SPATA32: variants seen among roughly 807,000 people sequenced by gnomAD.
SPATA32 encodes spermatogenesis-associated protein 32.
Under a neutral mutation model 35.4 loss-of-function variants are expected in SPATA32, and 28 were observed. The observed-to-expected ratio is 0.79, with a 90% CI of 0.59 to 1.09. The LOEUF is 1.09. SPATA32 is among the 50% of genes least tolerant of loss of function. The pLI is 0.00. For missense variants in SPATA32, 409 were observed against 475.9 expected (o/e 0.86, Z 1.31); for synonymous variants, 168 against 196.3 (o/e 0.86, Z 1.20).
At chr17:45,258,573 C>A (rs184665731) in intron 1 of SPATA32, among the ~76,000 whole-genome samples, 1 of 152,162 alleles carries the variant, frequency 6.6e-6, no homozygotes, top group Non-Finnish European at 1.5e-5. Context: ...CTTGGGACCT[C>A]GTTGCCTGAC....
rs559743203 is a variant in SPATA32 at position 45,256,265 on chromosome 17, G to A, written c.108+111C>T. On this transcript the variant is annotated intron_variant, in intron 3 of 4. Transcript: ENST00000331780. This position sits in a 1 kb window ranked among gnomAD's most constrained non-coding sequence, Gnocchi z 4.7. Reference sequence around the variant, plus strand: ...GTGTGTGTGTGGGTGTACCCACACCGGCCTGGTACTAGGGTCCCAGGATTG... The same window carrying A: ...GTGTGTGTGTGGGTGTACCCACACCAGCCTGGTACTAGGGTCCCAGGATTG... The A allele has an allele frequency of 1.1e-4, 143 of 1,264,132 alleles. No individual in the cohort carries two copies. The highest frequency in any genetic ancestry group is 8.0e-4 in the South Asian group (66 of 82,698). 78.3% of individuals were successfully genotyped at this position (1,264,132 alleles called of 1,614,324 possible).
intron 4 of SPATA32, 64 bp from the exon 5 acceptor site, chr17:45,254,577 C>T: frequency 6.7e-7 from 1 of 1,495,136 alleles, no homozygotes; most frequent in African/African-American, 1.4e-5. Context: ...AGGGGTGAGC[C>T]CAGAGGCCCC....
At chr17:45,260,102 C>CA (rs35822223) in intron 1 of SPATA32, 39,672 of 112,290 alleles carry the variant, frequency 0.35, 6,038 homozygotes, top group Middle Eastern at 0.53. Flanking sequence ...GACTCTGTCT[C>CA]AAAAAAAAAA....
At position 45,255,321 on chromosome 17, in the gene SPATA32, T is replaced by C. The variant is rs1311357086; in HGVS notation, c.861A>G (p.Arg287=). 1 of 1,614,088 alleles carries C rather than the reference T, an allele frequency of 6.2e-7. No individual in the cohort carries two copies. The highest frequency in any genetic ancestry group is 8.5e-7 in the Non-Finnish European group (1 of 1,180,034). The part of the protein sequence containing the change: ...TEPLLTTVEE[R]EPENHAETLP... ...GGGTCTCTGCGTGATTTTCTGGCTC[T>C]CGCTCCTCCACAGTGGTCAGGAGGG... Residue 287 remains arginine (R), a synonymous_variant, in exon 4 of 5, where the codon CGA becomes CGG. Coordinates refer to ENST00000331780, the MANE Select transcript of SPATA32 (RefSeq NM_152343.3). The surrounding 1 kb of genome is among the most constrained non-coding windows in gnomAD (Gnocchi z 5.4).
rs752563640 is a variant in SPATA32, at chr17:45,254,426, T to C, written c.1155A>G (p.Ter385TrpextTer?). 1.2e-6 allele frequency: 2 copies of C among 1,613,998 alleles called. No homozygotes were observed. Among genetic ancestry groups the C allele is most frequent in the Non-Finnish European group, 1.7e-6 (2 of 1,179,856 alleles). ...TGGAGGCTTTATTGGTTCTGTCTAGTCATTTCTCTGGGATTGTGGGGGCTG... is the reference window on the plus strand; with the variant it reads ...TGGAGGCTTTATTGGTTCTGTCTAGCCATTTCTCTGGGATTGTGGGGGCTG... ...KLSAPTIPEK[*>W] is the part of the protein sequence containing the mutation. The change falls in exon 5 of 5, where the codon TGA (stop) becomes TGG (tryptophan). Residue 385 changes from the stop codon to tryptophan, a stop_lost. Transcript: ENST00000331780.
rs962380376 is a variant in SPATA32 at position 45,256,546 on chromosome 17, G to A, written c.69-131C>T. 24 of 756,828 alleles carry A rather than the reference G, an allele frequency of 3.2e-5. No individual in the cohort carries two copies. Among genetic ancestry groups the A allele is most frequent in the African/African-American group, 2.0e-4 (12 of 59,114 alleles). The allele number at this position is 756,828 out of a possible 1,614,324, so 46.9% of individuals were successfully genotyped here. Reference sequence around the variant, plus strand: ...CGATGCACCTCCCGCCGACCACCCCGCCACCAGCTCATCCACTCCCCTGCT... The same window carrying A: ...CGATGCACCTCCCGCCGACCACCCCACCACCAGCTCATCCACTCCCCTGCT... On this transcript the variant is annotated intron_variant, in intron 2 of 4. Coordinates refer to ENST00000331780, the MANE Select transcript of SPATA32 (RefSeq NM_152343.3). This position sits in a 1 kb window ranked among gnomAD's most constrained non-coding sequence, Gnocchi z 4.7.
intron 2 of SPATA32, 23 bp downstream of exon 2, chr17:45,257,130 C>T (rs764513598): frequency 1.3e-5 from 21 of 1,610,948 alleles, no homozygotes; most frequent in African/African-American, 5.3e-5. Flanking sequence ...GGAGGCCCTA[C>T]GTTGATTGAG....
chr17:45,255,756 C>CA lies in SPATA32; in HGVS notation c.425dup (p.Ser143ValfsTer69). ...CACTGATGGAGTGATGGCAGGCAGA[C>CA]ACGTGGTTCTCCTCCGTGAAACTCC... On this transcript the variant is annotated frameshift_variant, in exon 4 of 5. Coordinates refer to ENST00000331780, the MANE Select transcript of SPATA32 (RefSeq NM_152343.3). LOFTEE classifies it high-confidence loss of function. This position sits in a 1 kb window ranked among gnomAD's most constrained non-coding sequence, Gnocchi z 5.4. 6.2e-7 allele frequency: 1 copy of CA among 1,614,022 alleles called. No homozygotes were observed. Among genetic ancestry groups the CA allele is most frequent in the Non-Finnish European group, 8.5e-7 (1 of 1,179,942 alleles).
intron 2 of SPATA32, 118 bp downstream of exon 2, chr17:45,257,035 G>A (rs2043964314): frequency 7.3e-6 from 9 of 1,228,222 alleles, no homozygotes; most frequent in Non-Finnish European, 9.3e-6. Flanking sequence ...CCCCGGGGAG[G>A]TTTTGGAAAT....
In SPATA32 at chr17:45,256,299, A is replaced by G; in HGVS notation, c.108+77T>C. On this transcript the variant is annotated intron_variant, in intron 3 of 4. Transcript: ENST00000331780. The surrounding 1 kb of genome is among the most constrained non-coding windows in gnomAD (Gnocchi z 4.7). ...CTAGGGTCCCAGGATTGTCAAGGGTAGGGGCTGGTGGGGACTTAGGGAAGA... is the reference window on the plus strand; with the variant it reads ...CTAGGGTCCCAGGATTGTCAAGGGTGGGGGCTGGTGGGGACTTAGGGAAGA... 3 of 1,449,702 alleles carry G rather than the reference A, an allele frequency of 2.1e-6. No individual in the cohort carries two copies. Among genetic ancestry groups the G allele is most frequent in the Non-Finnish European group, 2.9e-6 (3 of 1,030,530 alleles). The allele number at this position is 1,449,702 out of a possible 1,614,324, so 89.8% of individuals were successfully genotyped here.
At chr17:45,261,952 C>T in intron 1 of SPATA32, 52 bp downstream of exon 1, 2 of 1,306,736 alleles carry the variant, frequency 1.5e-6, no homozygotes, top group Non-Finnish European at 2.0e-6. Context: ...CTCTCACTTT[C>T]GCTTTCCCCG....
At chr17:45,254,901 T>G (rs2043940972) in intron 4 of SPATA32, 1 of 603,998 alleles carries the variant, frequency 1.7e-6, no homozygotes, top group Non-Finnish European at 2.9e-6. Context: ...TCCCCAGGCC[T>G]CCTCCAGCCC....
rs956494375 is a variant in SPATA32 at position 45,257,212 on chromosome 17, C to G, written c.14-5G>C. 6.2e-6 allele frequency: 10 copies of G among 1,609,226 alleles called. No individual in the cohort carries two copies. Among genetic ancestry groups the G allele is most frequent in the East Asian group, 2.2e-5 (1 of 44,704 alleles). ...AGCATGGAAATCCATGGGCACCTGA[C>G]AGGGGAAAGGAGGTGAGGGCAGGGA... On this transcript the variant is annotated splice_polypyrimidine_tract_variant and splice_region_variant and intron_variant, in intron 1 of 4. Transcript: ENST00000331780.
rs774065628 is a variant in SPATA32 at position 45,255,241 on chromosome 17, T to A, written c.941A>T (p.Asp314Val). 1.2e-6 allele frequency: 2 copies of A among 1,614,226 alleles called. No homozygotes were observed. Among genetic ancestry groups the A allele is most frequent in the Non-Finnish European group, 1.7e-6 (2 of 1,180,048 alleles). Residue 314 changes from aspartate to valine, a missense_variant, in exon 4 of 5, where the codon GAC becomes GTC. Physicochemically the swap from Asp to Val is radical, Grantham distance 152. Transcript: ENST00000331780. The surrounding 1 kb of genome is among the most constrained non-coding windows in gnomAD (Gnocchi z 5.4). ...AAAGTAAGATTGAGCGAAGTTCTTG[T>A]CTTCCTGACTCCAAGATTTCAGTGG... is the stretch of plus-strand genomic sequence containing the variant. Reference protein sequence around the residue: ...RAPLKSWSQEDKNFAQSYFDF... With the variant: ...RAPLKSWSQEVKNFAQSYFDF...
intron 2 of SPATA32, 37 bp downstream of exon 2, chr17:45,257,116 C>T (rs1555634444): frequency 3.7e-6 from 6 of 1,607,456 alleles, no homozygotes; most frequent in Admixed American, 1.7e-5. Flanking sequence ...CTGGAGGGCT[C>T]GGGGGAGGCC....
In SPATA32 at chr17:45,256,989, C is replaced by T. The variant is rs888844824; in HGVS notation, c.68+164G>A. ...TAAACAGAAGTGGGAGGATAGGCGC[C>T]CCACGCCCTCCCCAGCCTTTTGGCC... On this transcript the variant is annotated intron_variant, in intron 2 of 4. Coordinates refer to ENST00000331780, the MANE Select transcript of SPATA32 (RefSeq NM_152343.3). The surrounding 1 kb of genome is among the most constrained non-coding windows in gnomAD (Gnocchi z 4.7). Among the ~76,000 whole-genome samples the T allele has an allele frequency of 2.0e-5, 3 of 152,208 alleles. No homozygotes were observed. Among genetic ancestry groups the T allele is most frequent in the Non-Finnish European group, 2.9e-5 (2 of 68,038 alleles).
chr17:45,261,574 G>C (rs7215764), intron 1 of SPATA32, among the ~76,000 whole-genome samples: 118,872 of 152,202 alleles, frequency 0.78, 47,007 homozygotes, highest in African/African-American at 0.9. Context: ...CCGTAAAAAT[G>C]TGCTGAAGAC....
intron 2 of SPATA32, 61 bp downstream of exon 2, chr17:45,257,092 T>G (rs1598227241): frequency 3.2e-6 from 5 of 1,564,614 alleles, no homozygotes; most frequent in Non-Finnish European, 4.4e-6. Context: ...AGGCTGGGGG[T>G]GAGGTCGGAG....
intron 4 of SPATA32, 58 bp from the exon 5 acceptor site, chr17:45,254,571 G>T (rs2043937730): frequency 1.9e-6 from 3 of 1,557,526 alleles, no homozygotes; most frequent in Non-Finnish European, 2.7e-6. Flanking sequence ...AAGGAGAGGG[G>T]TGAGCCCAGA....
Sources: allele counts gnomAD v4.1 joint callset (sites outside exome capture counted in the v4.1 genomes callset), GRCh38; gene constraint gnomAD v4.1.1; non-coding constraint Gnocchi (gnomAD v3.1); transcripts MANE v1.5; gene names NCBI Gene and HGNC (gene_info 2026-07-23, HGNC 2026-07-21).